Variants in CAST observed in about 807,000 individuals in gnomAD.
CAST encodes MIR583 host.
CAST carries 76 observed loss-of-function variants against 119.6 expected under a neutral mutation model. The observed-to-expected ratio is 0.64, with a 90% CI of 0.53 to 0.77. CAST has a LOEUF of 0.77. CAST is among the 30% of genes least tolerant of loss of function. CAST has a pLI of 0.00. For missense variants in CAST, 953 were observed against 946.5 expected, an observed-to-expected ratio of 1.01 and a Z score of -0.09; for synonymous variants, 319 against 331.6, an observed-to-expected ratio of 0.96 and a Z score of 0.41.
At chr5:96,123,746 A>G in the CAST span, among the ~76,000 whole-genome samples, 1 of 152,180 alleles carries the variant, frequency 6.6e-6, no homozygotes, top group Non-Finnish European at 1.5e-5. Flanking sequence ...CAATTATACT[A>G]ATGCACCTAT....
the CAST span, among the ~76,000 whole-genome samples, chr5:96,465,723 A>G: frequency 6.6e-6 from 1 of 152,096 alleles, no homozygotes; most frequent in East Asian, 1.9e-4. Context: ...TGTCCAATTG[A>G]GGATGTTTAT....
chr5:96,519,303 A>G, the CAST span, among the ~76,000 whole-genome samples: 39 of 152,322 alleles, frequency 2.6e-4, no homozygotes, highest in East Asian at 7.5e-3. Flanking sequence ...TGAATATTAA[A>G]TTAGAAAACA....
At chr5:96,645,343 T>G (rs1241025495) in intron 1 of CAST, among the ~76,000 whole-genome samples, 1 of 152,222 alleles carries the variant, frequency 6.6e-6, no homozygotes. Context: ...TCAACATTCA[T>G]CACGCGGTTA....
the CAST span, among the ~76,000 whole-genome samples, chr5:96,367,200 G>A: frequency 2.0e-5 from 3 of 152,148 alleles, no homozygotes; most frequent in Admixed American, 6.5e-5. Context: ...ATCTCAGAGG[G>A]GTACCCGGCC....
At position 96,726,447 on chromosome 5, in the gene CAST, G is replaced by A. The variant is rs374051955; in HGVS notation, c.271-347G>A. Reference sequence around the variant, plus strand: ...TTGACAGAATTTCATAAAACTTTCCGTTACATCTGTGACTATTTGATCATA... The same window carrying A: ...TTGACAGAATTTCATAAAACTTTCCATTACATCTGTGACTATTTGATCATA... On this transcript the variant is annotated intron_variant, in intron 4 of 31. Transcript: ENST00000675179. Among the ~76,000 whole-genome samples, 29 of 152,100 alleles carry A rather than the reference G, an allele frequency of 1.9e-4. No homozygotes were observed. The East Asian group carries it at 2.9e-3, about 15-fold the overall frequency.
At chr5:96,382,762 T>A in the CAST span, among the ~76,000 whole-genome samples, 1 of 152,114 alleles carries the variant, frequency 6.6e-6, no homozygotes, top group Admixed American at 6.6e-5. Context: ...ATTTTACAGA[T>A]GAAGAAACTG....
chr5:96,050,364 C>T, the CAST span, among the ~76,000 whole-genome samples: 1 of 150,742 alleles, frequency 6.6e-6, no homozygotes, highest in African/African-American at 2.4e-5. Context: ...AGAAAGAATT[C>T]TGAAGTATAG....
At chr5:96,094,894 A>C in the CAST span, among the ~76,000 whole-genome samples, 1 of 152,228 alleles carries the variant, frequency 6.6e-6, no homozygotes, top group African/African-American at 2.4e-5. Flanking sequence ...CTTGTGAAGT[A>C]ATTAGGCTAC....
upstream of CAST, chr5:96,662,177 G>C (rs899552170): frequency 7.3e-5 from 31 of 426,362 alleles, no homozygotes; most frequent in African/African-American, 6.1e-4. Context: ...TGAGGACCGG[G>C]GCGGAGGGTG....
At chr5:96,051,608 G>T in the CAST span, among the ~76,000 whole-genome samples, 2,347 of 152,166 alleles carry the variant, frequency 0.015, 67 homozygotes, top group African/African-American at 0.053. Flanking sequence ...GGCCTGGATT[G>T]GCAGAGGAGG....
intron 3 of CAST, among the ~76,000 whole-genome samples, chr5:96,696,542 G>A (rs1490591664): frequency 1.3e-5 from 2 of 151,794 alleles, no homozygotes; most frequent in East Asian, 1.9e-4. Flanking sequence ...CTCACCTTTC[G>A]AGGCAAGAAA....
chr5:95,977,240 G>A, the CAST span, among the ~76,000 whole-genome samples: 1 of 152,218 alleles, frequency 6.6e-6, no homozygotes, highest in African/African-American at 2.4e-5. Flanking sequence ...GGCAGATTCA[G>A]TGTTTGGTGA....
Position 96,754,718 on chromosome 5 carries a change from G to C in CAST, c.1687G>C (p.Asp563His). The C allele has an allele frequency of 6.2e-7, 1 of 1,604,942 alleles. No homozygotes were observed. The highest frequency in any genetic ancestry group is 8.5e-7 in the Non-Finnish European group (1 of 1,172,068). The change falls in exon 22 of 32, where the codon GAT becomes CAT. Residue 563 changes from aspartate to histidine, a missense_variant. Asp to His is a moderately conservative substitution (Grantham distance 81, BLOSUM62 -1). Coordinates refer to ENST00000675179, the MANE Select transcript of CAST (RefSeq NM_001750.7). ...LGEKEETIPP[D>H]YRLEEVKDKD... Reference sequence around the variant, plus strand: ...TGAAAAAGAAGAAACAATTCCTCCTGATTATAGATTAGAAGAGGTCAAGGT... The same window carrying C: ...TGAAAAAGAAGAAACAATTCCTCCTCATTATAGATTAGAAGAGGTCAAGGT...
chr5:96,041,077 C>A, the CAST span, among the ~76,000 whole-genome samples: 1 of 152,100 alleles, frequency 6.6e-6, no homozygotes, highest in African/African-American at 2.4e-5. Flanking sequence ...AGAGATTCAA[C>A]GTCTTCCTGG....
the CAST span, among the ~76,000 whole-genome samples, chr5:96,417,285 A>G: frequency 2.6e-5 from 4 of 152,304 alleles, no homozygotes; most frequent in East Asian, 7.7e-4. Context: ...CTGCTCCTTC[A>G]TGTTAATCCT....
At chr5:96,221,598 G>T in the CAST span, among the ~76,000 whole-genome samples, 1 of 152,078 alleles carries the variant, frequency 6.6e-6, no homozygotes, top group African/African-American at 2.4e-5. Context: ...ACTGATGAAA[G>T]AAGTTGAAGA....
the CAST span, among the ~76,000 whole-genome samples, chr5:96,077,542 G>A: frequency 2.0e-5 from 3 of 152,104 alleles, no homozygotes; most frequent in Non-Finnish European, 4.4e-5. Context: ...GAAATTGTGG[G>A]GCTGCTTAGG....
intron 2 of CAST, among the ~76,000 whole-genome samples, chr5:96,692,450 A>C (rs1333809812): frequency 6.6e-6 from 1 of 152,100 alleles, no homozygotes; most frequent in Non-Finnish European, 1.5e-5. Context: ...ATCCCACATC[A>C]CTTCAGAATA....
chr5:96,319,891 G>A, the CAST span, among the ~76,000 whole-genome samples: 18 of 151,584 alleles, frequency 1.2e-4, no homozygotes, highest in East Asian at 3.2e-3. Flanking sequence ...CAGCCGGGTG[G>A]TTTTTAATTA....
Sources: gnomAD v4.1 joint callset for allele counts (sites outside exome capture counted in the v4.1 genomes callset) on GRCh38, gnomAD v4.1.1 for gene constraint, MANE v1.5 for transcripts, NCBI Gene and HGNC (gene_info 2026-07-23, HGNC 2026-07-21) for gene names.